ALCAM: variants seen among roughly 807,000 people sequenced by gnomAD.
ALCAM encodes the protein activated leukocyte cell adhesion molecule, also known as CD166 antigen.
ALCAM carries 30 observed loss-of-function variants against 70.9 expected under a neutral mutation model. The ratio of observed to expected loss-of-function variants is 0.42; its 90% CI spans 0.32 to 0.57. ALCAM has a LOEUF of 0.57. Among genes scored for constraint, ALCAM ranks in the 20% least tolerant of loss-of-function variants. ALCAM has a pLI of 0.11. For synonymous variants in ALCAM, 249 were observed against 242.5 expected (o/e 1.03, Z -0.25); for missense variants, 591 against 695.1 (o/e 0.85, Z 1.68).
At chr3:105,568,912 A>G (rs1418964838) in intron 14 of ALCAM, among the ~76,000 whole-genome samples, 1 of 151,772 alleles carries the variant, frequency 6.6e-6, no homozygotes, top group Non-Finnish European at 1.5e-5. Context: ...TCAAAACAGA[A>G]CTCCTTGTAG....
intron 14 of ALCAM, among the ~76,000 whole-genome samples, chr3:105,568,922 GT>G (rs1940801392): frequency 6.6e-6 from 1 of 151,670 alleles, no homozygotes; most frequent in Non-Finnish European, 1.5e-5. Context: ...ACTCCTTGTA[GT>G]CCATGCTTTA....
intron 1 of ALCAM, among the ~76,000 whole-genome samples, chr3:105,397,332 T>C (rs1423436171): frequency 1.3e-5 from 2 of 152,050 alleles, no homozygotes; most frequent in Non-Finnish European, 2.9e-5. Context: ...TGTACACATG[T>C]ATATATGAAG....
At chr3:105,423,902 A>C (rs1030100496) in intron 1 of ALCAM, among the ~76,000 whole-genome samples, 9 of 151,652 alleles carry the variant, frequency 5.9e-5, no homozygotes, top group Non-Finnish European at 1.3e-4. Flanking sequence ...TCTTGAATTA[A>C]ATAAGCTACC....
At chr3:105,463,161 T>A (rs1275120024) in intron 1 of ALCAM, among the ~76,000 whole-genome samples, 1 of 151,510 alleles carries the variant, frequency 6.6e-6, no homozygotes, top group Non-Finnish European at 1.5e-5. Context: ...ATTCACTTAA[T>A]AATTTTGATT....
intron 1 of ALCAM, among the ~76,000 whole-genome samples, chr3:105,422,631 A>G (rs192655211): frequency 6.6e-6 from 1 of 151,598 alleles, no homozygotes; most frequent in East Asian, 1.9e-4. Flanking sequence ...AAATGTTGTC[A>G]TTATGGTACA....
chr3:105,426,543 A>C (rs1249074401), intron 1 of ALCAM, among the ~76,000 whole-genome samples: 2 of 151,896 alleles, frequency 1.3e-5, no homozygotes, highest in Non-Finnish European at 2.9e-5. Context: ...AAAATATGGA[A>C]TACATTATTG....
chr3:105,544,392 G>T (rs1039539008), intron 8 of ALCAM, among the ~76,000 whole-genome samples: 2 of 150,196 alleles, frequency 1.3e-5, no homozygotes, highest in African/African-American at 5.0e-5. Flanking sequence ...ACCCAGTTTG[G>T]CTCTGTTCTC....
At chr3:105,465,702 GT>G (rs1035288450) in intron 1 of ALCAM, among the ~76,000 whole-genome samples, 7 of 151,098 alleles carry the variant, frequency 4.6e-5, no homozygotes, top group African/African-American at 1.7e-4. Context: ...CCTCCTACTG[GT>G]TTTTTTAAGT....
chr3:105,428,280 G>C (rs1281417450), intron 1 of ALCAM, among the ~76,000 whole-genome samples: 1 of 151,814 alleles, frequency 6.6e-6, no homozygotes, highest in East Asian at 1.9e-4. Flanking sequence ...AAACAGACTG[G>C]AAACAATAAA....
chr3:105,476,159 C>G (rs1396579828), intron 1 of ALCAM, among the ~76,000 whole-genome samples: 1 of 151,974 alleles, frequency 6.6e-6, no homozygotes, highest in Non-Finnish European at 1.5e-5. Flanking sequence ...CTTTGAAACA[C>G]CTTGTTCCTG....
At chr3:105,454,869 G>T (rs1003747685) in intron 1 of ALCAM, among the ~76,000 whole-genome samples, 2 of 151,178 alleles carry the variant, frequency 1.3e-5, no homozygotes, top group African/African-American at 4.9e-5. Flanking sequence ...TAGTAGAGAC[G>T]GAGTTTCACC....
At chr3:105,432,851 T>C (rs908182116) in intron 1 of ALCAM, among the ~76,000 whole-genome samples, 2 of 152,172 alleles carry the variant, frequency 1.3e-5, no homozygotes, top group African/African-American at 4.8e-5. Context: ...CACAAACCAG[T>C]ATGTTATTAC....
intron 6 of ALCAM, among the ~76,000 whole-genome samples, chr3:105,537,049 GA>G (rs1939987159): frequency 6.6e-6 from 1 of 151,996 alleles, no homozygotes; most frequent in South Asian, 2.1e-4. Flanking sequence ...GAGAACAGAA[GA>G]AGAGTGCTAA....
At chr3:105,547,578 C>T (rs1328256572) in intron 11 of ALCAM, 55 bp downstream of exon 11, 3 of 1,580,490 alleles carry the variant, frequency 1.9e-6, no homozygotes, top group Non-Finnish European at 2.6e-6. Context: ...GTTTTTTTTC[C>T]TTCACGAACC....
intron 1 of ALCAM, among the ~76,000 whole-genome samples, chr3:105,509,680 T>C (rs1475720463): frequency 6.6e-6 from 1 of 152,072 alleles, no homozygotes; most frequent in Non-Finnish European, 1.5e-5. Flanking sequence ...GGCTGACTTT[T>C]TATTTTGCTG....
chr3:105,477,054 C>G (rs1938137230), intron 1 of ALCAM, among the ~76,000 whole-genome samples: 1 of 152,040 alleles, frequency 6.6e-6, no homozygotes, highest in Admixed American at 6.6e-5. Flanking sequence ...TGCCTTTTGC[C>G]TCCCACCATG....
intron 1 of ALCAM, among the ~76,000 whole-genome samples, chr3:105,373,448 G>T (rs1339216469): frequency 6.6e-6 from 1 of 152,066 alleles, no homozygotes; most frequent in Non-Finnish European, 1.5e-5. Context: ...CTTAGAAATT[G>T]ATATAAGTAG....
intron 1 of ALCAM, among the ~76,000 whole-genome samples, chr3:105,437,250 T>TAGG (rs1937069398): frequency 6.6e-6 from 1 of 152,232 alleles, no homozygotes; most frequent in Admixed American, 6.5e-5. Flanking sequence ...TAAAGTTTTT[T>TAGG]TATTTTACTT....
chr3:105,367,464 C>CCACCGTCTTCAGGCCAGGT lies in ALCAM; in HGVS notation c.57_73+2dup. ...CTGCTCTTCTGCCTCTTGATCTCCG[C>CCACCGTCTTCAGGCCAGGT]CACCGTCTTCAGGCCAGGTGAGCAA... On this transcript the variant is annotated frameshift_variant, in exon 1 of 16. Coordinates refer to ENST00000306107, the MANE Select transcript of ALCAM (RefSeq NM_001627.4). LOFTEE classifies it high-confidence loss of function. 6.2e-7 allele frequency: 1 copy of CCACCGTCTTCAGGCCAGGT among 1,614,052 alleles called. No homozygotes were observed. The highest frequency in any genetic ancestry group is 8.5e-7 in the Non-Finnish European group (1 of 1,179,944).
Sources: gnomAD v4.1 joint callset for allele counts (sites outside exome capture counted in the v4.1 genomes callset) on GRCh38, gnomAD v4.1.1 for gene constraint, MANE v1.5 for transcripts, NCBI Gene and HGNC (gene_info 2026-07-23, HGNC 2026-07-21) for gene names.